Variants in C13orf42 observed in about 807,000 individuals in gnomAD.
The protein encoded by C13orf42 is uncharacterized protein C13orf42.
chr13:51,158,937 C>T (rs1379816645), intron 1 of C13orf42, among the ~76,000 whole-genome samples: 1 of 152,148 alleles, frequency 6.6e-6, no homozygotes, highest in Non-Finnish European at 1.5e-5. Flanking sequence ...AGTGGTTTTC[C>T]TTCTCCGCTT....
chr13:51,113,034 C>T (rs1953450482), upstream of C13orf42, among the ~76,000 whole-genome samples: 2 of 152,142 alleles, frequency 1.3e-5, no homozygotes, highest in Admixed American at 6.5e-5. Context: ...GTAGCTTGTG[C>T]CTGTGGGTTT....
chr13:51,087,532 A>C (rs762258270), intron 2 of C13orf42, among the ~76,000 whole-genome samples: 1 of 152,178 alleles, frequency 6.6e-6, no homozygotes, highest in Non-Finnish European at 1.5e-5. Context: ...CATCTCAAAA[A>C]ACTGAAAGTG....
chr13:51,144,394 C>T (rs1268810925), intron 1 of C13orf42, among the ~76,000 whole-genome samples: 4 of 118,874 alleles, frequency 3.4e-5, no homozygotes, highest in Admixed American at 3.0e-4. Context: ...CTCTTATGAA[C>T]AAAATTTAGA....
intron 1 of C13orf42, among the ~76,000 whole-genome samples, chr13:51,099,255 G>T (rs1318549021): frequency 1.3e-5 from 2 of 152,104 alleles, no homozygotes; most frequent in Non-Finnish European, 2.9e-5. Context: ...TATGGAAAAA[G>T]AATGGGAGTT....
intron 1 of C13orf42, among the ~76,000 whole-genome samples, chr13:51,131,080 C>CT (rs924969033): frequency 4.6e-5 from 7 of 152,090 alleles, no homozygotes; most frequent in African/African-American, 1.7e-4. Flanking sequence ...TTGAAGTAAT[C>CT]TTTTTTGACT....
intron 1 of C13orf42, among the ~76,000 whole-genome samples, chr13:51,098,340 A>T (rs1953256602): frequency 1.3e-5 from 2 of 151,952 alleles, no homozygotes; most frequent in Admixed American, 6.6e-5. Context: ...AGCCAATGCC[A>T]AGGAGACCAC....
chr13:51,171,832 C>A (rs1024916876), intron 1 of C13orf42, among the ~76,000 whole-genome samples: 16 of 152,206 alleles, frequency 1.1e-4, no homozygotes, highest in African/African-American at 3.9e-4. Context: ...TTGGCAGCAA[C>A]CCTGAGACGC....
At chr13:51,086,892 C>T (rs1566122004) in intron 2 of C13orf42, among the ~76,000 whole-genome samples, 1 of 152,104 alleles carries the variant, frequency 6.6e-6, no homozygotes, top group Non-Finnish European at 1.5e-5. Context: ...GCAGAGTTAA[C>T]CTTCTGTGAA....
chr13:51,125,381 T>G (rs796785486), intron 1 of C13orf42, among the ~76,000 whole-genome samples: 3 of 152,342 alleles, frequency 2.0e-5, no homozygotes, highest in African/African-American at 7.2e-5. Flanking sequence ...CATCAAATAT[T>G]GGTGCCTGGT....
intron 1 of C13orf42, among the ~76,000 whole-genome samples, chr13:51,156,152 T>C (rs991094021): frequency 2.0e-5 from 3 of 152,140 alleles, no homozygotes; most frequent in East Asian, 1.9e-4. Context: ...AGCAGTCCCA[T>C]GGGCCTGCCA....
In C13orf42 at chr13:51,110,969, G is replaced by A. The variant is rs554158517; in HGVS notation, c.241C>T (p.Arg81Cys). 1.8e-5 allele frequency: 7 copies of A among 398,684 alleles called. No individual in the cohort carries two copies. The South Asian group carries it at 8.9e-4, about 51-fold the overall frequency. The allele number at this position is 398,684 out of a possible 1,614,324, so 24.7% of individuals were successfully genotyped here. A position where few individuals can be genotyped will look rare whatever the true frequency, so the allele number is the denominator to read the frequency against. ...QEEDRAWMYS[R>C]TQDCLQYLQE... is the part of the protein sequence containing the mutation. The stretch of plus-strand genomic sequence containing the variant: ...AGGTACTGCAGGCAGTCCTGGGTGC[G>A]CGAATACATCCACGCCCGGTCCTCC... The change falls in exon 1 of 4, where the codon CGC becomes TGC. Residue 81 changes from arginine to cysteine, a missense_variant. Arg to Cys is a radical substitution (Grantham distance 180). Coordinates refer to ENST00000563710, the MANE Select transcript of C13orf42 (RefSeq NM_001351589.3).
At chr13:51,117,551 T>C (rs1221994092) in intron 1 of C13orf42, among the ~76,000 whole-genome samples, 2 of 152,310 alleles carry the variant, frequency 1.3e-5, no homozygotes, top group Admixed American at 6.5e-5. Flanking sequence ...ACAGAAAAAT[T>C]GAGTGTGAAT....
intron 1 of C13orf42, among the ~76,000 whole-genome samples, chr13:51,097,989 A>T (rs2137987248): frequency 6.6e-6 from 1 of 152,116 alleles, no homozygotes; most frequent in South Asian, 2.1e-4. Flanking sequence ...TCATTTTCCG[A>T]GTCTTCCCTG....
chr13:51,118,783 T>C (rs1295842882), intron 1 of C13orf42, among the ~76,000 whole-genome samples: 1 of 152,146 alleles, frequency 6.6e-6, no homozygotes, highest in Non-Finnish European at 1.5e-5. Flanking sequence ...TCTTGTAGCC[T>C]AGGGTGCTAG....
intron 1 of C13orf42, among the ~76,000 whole-genome samples, chr13:51,103,787 CAGA>C: frequency 6.6e-6 from 1 of 152,228 alleles, no homozygotes; most frequent in African/African-American, 2.4e-5. Flanking sequence ...AAGCCAGACA[CAGA>C]AGAATGAATA....
intron 1 of C13orf42, among the ~76,000 whole-genome samples, chr13:51,160,325 A>G (rs1953854731): frequency 6.6e-6 from 1 of 152,218 alleles, no homozygotes; most frequent in Non-Finnish European, 1.5e-5. Context: ...CTTGGCAAAC[A>G]TGGTGAAACC....
At chr13:51,143,168 C>T (rs945282069) in intron 1 of C13orf42, among the ~76,000 whole-genome samples, 5 of 152,142 alleles carry the variant, frequency 3.3e-5, no homozygotes, top group African/African-American at 1.2e-4. Context: ...TAAACACTGA[C>T]AGCAATTAAA....
rs1304095813 is a variant in C13orf42 at position 51,083,087 on chromosome 13, C to G, written c.*1064G>C. On this transcript the variant is annotated 3_prime_UTR_variant, in exon 4 of 4. Transcript: ENST00000563710. ...TTTGTTTTCTGTTTTTTGTCTCTCT[C>G]CCTTCCTTCTGCCCAAAGACCCTTA... 1 of 152,134 alleles carries G rather than the reference C, an allele frequency of 6.6e-6. No individual in the cohort carries two copies. The highest frequency in any genetic ancestry group is 1.5e-5 in the Non-Finnish European group (1 of 68,034). 9.4% of individuals were successfully genotyped at this position (152,134 alleles called of 1,614,324 possible).
intron 1 of C13orf42, among the ~76,000 whole-genome samples, chr13:51,130,622 C>T (rs565267009): frequency 8.5e-5 from 13 of 152,220 alleles, no homozygotes; most frequent in African/African-American, 2.9e-4. Context: ...AAATGTACAG[C>T]TTGGTAAGGC....
Sources: allele counts gnomAD v4.1 joint callset (sites outside exome capture counted in the v4.1 genomes callset), GRCh38; gene constraint gnomAD v4.1.1; transcripts MANE v1.5; gene names NCBI Gene and HGNC (gene_info 2026-07-23, HGNC 2026-07-21).